The following BMERB1 variants were observed in gnomAD, a reference collection of about 807,000 sequenced individuals.
The protein encoded by BMERB1 is bMERB domain-containing protein 1.
BMERB1 carries 12 observed loss-of-function variants against 23.6 expected under a neutral mutation model. That is an observed-to-expected ratio of 0.51 (90% confidence interval 0.33 to 0.82). The LOEUF is 0.82. Ranked by LOEUF, BMERB1 falls within the 40% of genes least tolerant of loss-of-function variation. BMERB1 has a pLI of 0.03. For missense variants in BMERB1, 247 were observed against 255.4 expected (o/e 0.97, Z 0.22); for synonymous variants, 122 against 96.6 (o/e 1.26, Z -1.54).
At chr16:15,460,506 C>T (rs886970290) in intron 1 of BMERB1, among the ~76,000 whole-genome samples, 3 of 152,150 alleles carry the variant, frequency 2.0e-5, no homozygotes, top group Non-Finnish European at 4.4e-5. Context: ...AGACATTACT[C>T]ATTATCGGAG....
At chr16:15,550,199 C>G (rs182545015) in intron 2 of BMERB1, among the ~76,000 whole-genome samples, 1 of 152,172 alleles carries the variant, frequency 6.6e-6, no homozygotes, top group Non-Finnish European at 1.5e-5. Flanking sequence ...CTCGGCCTCC[C>G]GAAGTGCTGG....
At chr16:15,504,455 T>C (rs537109477) in intron 1 of BMERB1, among the ~76,000 whole-genome samples, 1 of 152,012 alleles carries the variant, frequency 6.6e-6, no homozygotes, top group Non-Finnish European at 1.5e-5. Context: ...ATTTTTTTTT[T>C]TTTTTTATTA....
At chr16:15,536,170 T>C (rs2052022763) in intron 2 of BMERB1, among the ~76,000 whole-genome samples, 1 of 152,144 alleles carries the variant, frequency 6.6e-6, no homozygotes, top group Admixed American at 6.5e-5. Flanking sequence ...CAGTGTTTAC[T>C]CTTTGAAGGC....
intron 2 of BMERB1, among the ~76,000 whole-genome samples, chr16:15,516,203 C>T (rs148991560): frequency 0.07 from 10,570 of 152,062 alleles, 536 homozygotes; most frequent in Admixed American, 0.15. Context: ...GCGGGATGAT[C>T]GCTTGAGCCC....
At chr16:15,447,389 T>C (rs1231312522) in intron 1 of BMERB1, among the ~76,000 whole-genome samples, 1 of 152,104 alleles carries the variant, frequency 6.6e-6, no homozygotes, top group Non-Finnish European at 1.5e-5. Flanking sequence ...CTCAGTATCA[T>C]GAGAACAGTA....
intron 1 of BMERB1, among the ~76,000 whole-genome samples, chr16:15,453,463 T>C (rs1226262780): frequency 6.6e-6 from 1 of 152,006 alleles, no homozygotes; most frequent in Non-Finnish European, 1.5e-5. Flanking sequence ...CTAATTCTAT[T>C]ATTAGCTACT....
chr16:15,514,515 GC>G (rs963639118), intron 1 of BMERB1, among the ~76,000 whole-genome samples: 25 of 152,052 alleles, frequency 1.6e-4, no homozygotes. Flanking sequence ...TCCCAGCCAG[GC>G]GTGGTGGCCT....
At chr16:15,584,269 T>C in intron 5 of BMERB1, 3 of 485,852 alleles carry the variant, frequency 6.2e-6, no homozygotes, top group Non-Finnish European at 1.1e-5. Flanking sequence ...TTAGAAGAAA[T>C]GGATGCCTGG....
intron 2 of BMERB1, among the ~76,000 whole-genome samples, chr16:15,539,704 G>A (rs574703229): frequency 5.9e-5 from 9 of 151,906 alleles, no homozygotes; most frequent in African/African-American, 9.7e-5. Context: ...TTAGCTGGGC[G>A]TGGTGGTGCA....
intron 2 of BMERB1, among the ~76,000 whole-genome samples, chr16:15,561,515 C>T (rs1387014662): frequency 6.6e-6 from 1 of 151,906 alleles, no homozygotes; most frequent in Non-Finnish European, 1.5e-5. Context: ...GTGATCCTTC[C>T]ACCTCGGCCT....
intron 1 of BMERB1, among the ~76,000 whole-genome samples, chr16:15,443,295 G>A (rs1463283342): frequency 6.6e-6 from 1 of 151,224 alleles, no homozygotes; most frequent in Non-Finnish European, 1.5e-5. Context: ...GCTCTCATGT[G>A]TAATCCCAGC....
intron 1 of BMERB1, among the ~76,000 whole-genome samples, chr16:15,468,115 T>C (rs907733459): frequency 6.7e-6 from 1 of 149,448 alleles, no homozygotes; most frequent in African/African-American, 2.5e-5. Context: ...TTCTTTTCTT[T>C]TCTTTCTTTC....
intron 3 of BMERB1, among the ~76,000 whole-genome samples, chr16:15,568,763 C>G (rs2030647812): frequency 6.6e-6 from 1 of 152,180 alleles, no homozygotes; most frequent in African/African-American, 2.4e-5. Flanking sequence ...CCATTATTAT[C>G]CTACTTGGGA....
chr16:15,453,313 A>G (rs1486631436), intron 1 of BMERB1, among the ~76,000 whole-genome samples: 2 of 152,234 alleles, frequency 1.3e-5, no homozygotes, highest in South Asian at 2.1e-4. Context: ...GGAATGCTGC[A>G]GCGAGGTAGA....
intron 1 of BMERB1, among the ~76,000 whole-genome samples, chr16:15,498,641 G>A (rs777388785): frequency 6.6e-6 from 1 of 151,458 alleles, no homozygotes; most frequent in Non-Finnish European, 1.5e-5. Flanking sequence ...GAAGAAAGAG[G>A]AAGGAAGGAA....
intron 1 of BMERB1, among the ~76,000 whole-genome samples, chr16:15,504,445 ATTTT>A (rs796282260): frequency 1.4e-5 from 2 of 143,738 alleles, no homozygotes; most frequent in Non-Finnish European, 3.1e-5. Flanking sequence ...CTCTTCTTAA[ATTTT>A]TTTTTTTTTT....
At chr16:15,543,924 A>G (rs2052109161) in intron 2 of BMERB1, among the ~76,000 whole-genome samples, 1 of 152,252 alleles carries the variant, frequency 6.6e-6, no homozygotes, top group South Asian at 2.1e-4. Flanking sequence ...AAAATTGGAA[A>G]TAAGGAAGAA....
intron 5 of BMERB1, among the ~76,000 whole-genome samples, chr16:15,584,827 C>T (rs2031102727): frequency 6.6e-6 from 1 of 152,160 alleles, no homozygotes; most frequent in Non-Finnish European, 1.5e-5. Flanking sequence ...GTTCTTTTCC[C>T]TGGTATCGAA....
chr16:15,517,869 G>T (rs919116164), intron 2 of BMERB1, among the ~76,000 whole-genome samples: 2 of 147,488 alleles, frequency 1.4e-5, no homozygotes, highest in South Asian at 2.2e-4. Context: ...GTGTGGATGT[G>T]TGTGGGTGTG....
Sources: allele counts gnomAD v4.1 joint callset (sites outside exome capture counted in the v4.1 genomes callset), GRCh38; gene constraint gnomAD v4.1.1; transcripts MANE v1.5; gene names NCBI Gene and HGNC (gene_info 2026-07-23, HGNC 2026-07-21).